The following PLCL1 variants were observed in gnomAD, a reference collection of about 807,000 sequenced individuals.
The protein encoded by PLCL1 is phospholipase C like 1 (inactive), also known as inactive phospholipase C-like protein 1.
A neutral mutation model predicts 84.4 loss-of-function variants in PLCL1; 41 were observed. That is an observed-to-expected ratio of 0.49 (90% CI 0.38 to 0.63). PLCL1 has a LOEUF of 0.63. Among genes scored for constraint, PLCL1 ranks in the 30% least tolerant of loss-of-function variants. The pLI is 0.00. For synonymous variants in PLCL1, 490 were observed against 488.3 expected, an observed-to-expected ratio of 1.00 and a Z score of -0.05; for missense variants, 1,206 against 1,367.8, an observed-to-expected ratio of 0.88 and a Z score of 1.87.
intron 1 of PLCL1, among the ~76,000 whole-genome samples, chr2:197,975,372 AAAGCATCTACAATT>A (rs1689958724): frequency 6.6e-6 from 1 of 152,138 alleles, no homozygotes; most frequent in Admixed American, 6.5e-5. Context: ...CTTGCTTCTG[AAAGCATCTACAATT>A]TTCATTCTGC....
intron 1 of PLCL1, among the ~76,000 whole-genome samples, chr2:197,870,554 C>A (rs763265873): frequency 6.6e-6 from 1 of 152,018 alleles, no homozygotes; most frequent in Non-Finnish European, 1.5e-5. Context: ...GTATCATTAC[C>A]CCTTCTAAAT....
chr2:197,866,957 A>G (rs777975513), intron 1 of PLCL1, among the ~76,000 whole-genome samples: 10 of 152,184 alleles, frequency 6.6e-5, no homozygotes, highest in Non-Finnish European at 1.3e-4. Flanking sequence ...ATCATTCATA[A>G]AGCTAAAGAA....
At position 198,084,527 on chromosome 2, in the gene PLCL1, T is replaced by C; in HGVS notation, c.1010T>C (p.Leu337Pro). Residue 337 changes from leucine (L) to proline (P), a missense_variant, in exon 2 of 6, where the codon CTC (leucine) becomes CCC (proline). Physicochemically the swap from Leu to Pro is moderately conservative, Grantham distance 98. Coordinates refer to ENST00000428675, the MANE Select transcript of PLCL1 (RefSeq NM_006226.4). ...TATTTGGATGCCAATGATCTCATGCTCTTTTTAGAAGCTGAGCAAGGAGTC... is the reference window on the plus strand; with the variant it reads ...TATTTGGATGCCAATGATCTCATGCCCTTTTTAGAAGCTGAGCAAGGAGTC... ...KEYLDANDLM[L>P]FLEAEQGVTH... The C allele has an allele frequency of 1.2e-6, 2 of 1,614,108 alleles. No individual in the cohort carries two copies. Among genetic ancestry groups the C allele is most frequent in the Non-Finnish European group, 8.5e-7 (1 of 1,179,950 alleles).
At chr2:197,868,010 G>C (rs1308885407) in intron 1 of PLCL1, among the ~76,000 whole-genome samples, 1 of 152,124 alleles carries the variant, frequency 6.6e-6, no homozygotes. Context: ...GATCCTGTAG[G>C]TAAAATACCA....
intron 1 of PLCL1, among the ~76,000 whole-genome samples, chr2:198,042,344 A>G (rs1336285716): frequency 1.3e-5 from 2 of 152,144 alleles, no homozygotes; most frequent in Non-Finnish European, 2.9e-5. Context: ...AACAGTATAA[A>G]TTATGGTTTT....
intron 5 of PLCL1, among the ~76,000 whole-genome samples, chr2:198,126,324 A>G (rs1693984084): frequency 6.6e-6 from 1 of 152,176 alleles, no homozygotes; most frequent in Admixed American, 6.5e-5. Context: ...AATTGCATTT[A>G]TGATGATAAA....
At chr2:198,070,374 C>A (rs1427056025) in intron 1 of PLCL1, among the ~76,000 whole-genome samples, 1 of 151,902 alleles carries the variant, frequency 6.6e-6, no homozygotes, top group African/African-American at 2.4e-5. Flanking sequence ...TACTCTCAAA[C>A]CTTAGAGGTA....
chr2:198,091,806 A>C (rs1237274251), intron 3 of PLCL1, among the ~76,000 whole-genome samples: 1 of 152,204 alleles, frequency 6.6e-6, no homozygotes, highest in Non-Finnish European at 1.5e-5. Context: ...AAAATCCTCC[A>C]ATGGGTTCCA....
At chr2:198,073,346 T>C (rs1301320787) in intron 1 of PLCL1, among the ~76,000 whole-genome samples, 3 of 152,202 alleles carry the variant, frequency 2.0e-5, no homozygotes, top group African/African-American at 7.2e-5. Context: ...ATATTCATTC[T>C]CTGATATCTG....
At chr2:198,027,619 A>G (rs1390238281) in intron 1 of PLCL1, among the ~76,000 whole-genome samples, 1 of 152,168 alleles carries the variant, frequency 6.6e-6, no homozygotes, top group Non-Finnish European at 1.5e-5. Flanking sequence ...AAATATATAC[A>G]ATTTTTGTCA....
intron 1 of PLCL1, among the ~76,000 whole-genome samples, chr2:197,837,885 G>A (rs1217412987): frequency 3.9e-5 from 6 of 152,134 alleles, no homozygotes; most frequent in African/African-American, 9.7e-5. Flanking sequence ...CGAAACAGCA[G>A]CATTTGTTTG....
intron 1 of PLCL1, among the ~76,000 whole-genome samples, chr2:197,956,637 A>T (rs1397279396): frequency 1.3e-5 from 2 of 152,040 alleles, no homozygotes; most frequent in Non-Finnish European, 2.9e-5. Context: ...GTGGTATATC[A>T]TTGTGGTTTT....
intron 1 of PLCL1, among the ~76,000 whole-genome samples, chr2:197,854,831 T>G (rs978522979): frequency 2.0e-5 from 3 of 152,186 alleles, no homozygotes; most frequent in Non-Finnish European, 4.4e-5. Flanking sequence ...GCTTGTCACT[T>G]TTTTTGGTAC....
intron 1 of PLCL1, among the ~76,000 whole-genome samples, chr2:197,953,473 T>A (rs535801569): frequency 6.6e-6 from 1 of 152,072 alleles, no homozygotes; most frequent in African/African-American, 2.4e-5. Flanking sequence ...TAAATGATGA[T>A]GCACAGGCTG....
intron 1 of PLCL1, among the ~76,000 whole-genome samples, chr2:197,856,518 G>A (rs1226046284): frequency 6.6e-6 from 1 of 152,122 alleles, no homozygotes; most frequent in Non-Finnish European, 1.5e-5. Context: ...TTAACAGAAT[G>A]TTATTGTCAA....
intron 1 of PLCL1, among the ~76,000 whole-genome samples, chr2:197,877,148 T>C (rs957138939): frequency 6.6e-6 from 1 of 152,172 alleles, no homozygotes; most frequent in Non-Finnish European, 1.5e-5. Context: ...AACGGTATTT[T>C]GCATTTCCTG....
At chr2:198,052,320 G>GGATT (rs1468732568) in intron 1 of PLCL1, among the ~76,000 whole-genome samples, 1 of 152,196 alleles carries the variant, frequency 6.6e-6, no homozygotes, top group African/African-American at 2.4e-5. Flanking sequence ...CAAAGTGCTG[G>GGATT]GATTATAGGC....
At chr2:198,001,157 TTGTATC>T (rs1690591516) in intron 1 of PLCL1, among the ~76,000 whole-genome samples, 3 of 152,168 alleles carry the variant, frequency 2.0e-5, no homozygotes, top group African/African-American at 7.2e-5. Context: ...TGCATTCCTA[TTGTATC>T]TGTAAGTTGG....
At chr2:197,968,467 T>C (rs1174472807) in intron 1 of PLCL1, among the ~76,000 whole-genome samples, 1 of 152,232 alleles carries the variant, frequency 6.6e-6, no homozygotes, top group Non-Finnish European at 1.5e-5. Flanking sequence ...AAAGTATTCA[T>C]CATTTTTGGG....
Sources: gnomAD v4.1 joint callset for allele counts (sites outside exome capture counted in the v4.1 genomes callset) on GRCh38, gnomAD v4.1.1 for gene constraint, MANE v1.5 for transcripts, NCBI Gene and HGNC (gene_info 2026-07-23, HGNC 2026-07-21) for gene names.